The following UVSSA variants were observed in gnomAD, a reference collection of about 807,000 sequenced individuals.
UVSSA encodes the protein UV-stimulated scaffold protein A.
Under a neutral mutation model 73.9 loss-of-function variants are expected in UVSSA, and 72 were observed. The observed-to-expected ratio is 0.97, with a 90% confidence interval of 0.81 to 1.19. UVSSA has a LOEUF of 1.19. UVSSA is among the 50% of genes most tolerant of loss of function. The pLI is 0.00. For missense variants in UVSSA, 1,150 were observed against 965.0 expected (o/e 1.19, Z -2.54); for synonymous variants, 454 against 391.3 (o/e 1.16, Z -1.89).
At chr4:1,365,743 G>A (rs1361968706) in intron 7 of UVSSA, among the ~76,000 whole-genome samples, 1 of 152,238 alleles carries the variant, frequency 6.6e-6, no homozygotes, top group East Asian at 1.9e-4. Flanking sequence ...TGGGGAGCTA[G>A]CCCTGGCCCG....
At position 1,372,843 on chromosome 4, in the gene UVSSA, A is replaced by C. The variant is rs1475235724; in HGVS notation, c.1289-2521A>C. Among the ~76,000 whole-genome samples the C allele has an allele frequency of 2.4e-4, 14 of 58,892 alleles. 1 individual carries two copies. The highest frequency in any genetic ancestry group is 4.3e-4 in the African/African-American group (7 of 16,162). 38.6% of individuals were successfully genotyped at this position (58,892 alleles called of 152,430 possible). Reference sequence around the variant, plus strand: ...GCACTCACCTCCCGCGTCTCAGGGCACTCACCTCCCGCGTCCCTGCACTCA... The same window carrying C: ...GCACTCACCTCCCGCGTCTCAGGGCCCTCACCTCCCGCGTCCCTGCACTCA... On this transcript the variant is annotated intron_variant, in intron 8 of 13. Transcript: ENST00000389851.
At chr4:1,382,790 G>A (rs942222386) in intron 12 of UVSSA, among the ~76,000 whole-genome samples, 1 of 152,232 alleles carries the variant, frequency 6.6e-6, no homozygotes, top group Non-Finnish European at 1.5e-5. Flanking sequence ...CATTCCTCCG[G>A]GGATGTGCCC....
Position 1,368,852 on chromosome 4 carries a change from G to A in UVSSA, c.1288+2421G>A, listed in dbSNP as rs564786067. Among the ~76,000 whole-genome samples the A allele has an allele frequency of 2.6e-5, 4 of 152,368 alleles. No individual in the cohort carries two copies. The East Asian group carries it at 7.7e-4, about 29-fold the overall frequency. ...GGAAGTGTGCACAGCTGGTGCACTG[G>A]CGGCTGGTTCTTTCGCTGCAGCCGC... On this transcript the variant is annotated intron_variant, in intron 8 of 13. Coordinates refer to ENST00000389851, the MANE Select transcript of UVSSA (RefSeq NM_020894.4).
intron 7 of UVSSA, 93 bp from the exon 8 acceptor site, chr4:1,366,227 C>G (rs1717304554): frequency 2.0e-6 from 2 of 1,019,474 alleles, no homozygotes; most frequent in Non-Finnish European, 2.9e-6. Flanking sequence ...AAAAGCTCCA[C>G]AAGAAATAGG....
At chr4:1,391,484 C>T (rs1447618990), downstream of UVSSA, 1 of 152,132 alleles carries the variant, frequency 6.6e-6, no homozygotes, top group Non-Finnish European at 1.5e-5. Flanking sequence ...CTGTTAAGTG[C>T]ATCTGTATTT....
At chr4:1,371,789 CT>C (rs1200490184) in intron 8 of UVSSA, among the ~76,000 whole-genome samples, 2 of 152,156 alleles carry the variant, frequency 1.3e-5, no homozygotes, top group Non-Finnish European at 2.9e-5. Context: ...ATTATGGGAA[CT>C]ATAAGATGAG....
At chr4:1,388,487 C>G (rs1720312378), downstream of UVSSA, 1 of 152,212 alleles carries the variant, frequency 6.6e-6, no homozygotes, top group South Asian at 2.1e-4. Flanking sequence ...GCTAGTACCT[C>G]CAGGACAATG....
intron 12 of UVSSA, 27 bp from the exon 13 acceptor site, chr4:1,383,739 C>A: frequency 6.2e-7 from 1 of 1,612,112 alleles, no homozygotes; most frequent in South Asian, 1.1e-5. Flanking sequence ...CCAGACGTCT[C>A]CTGAAGTGCT....
intron 4 of UVSSA, 116 bp downstream of exon 4, chr4:1,351,951 C>G: frequency 6.7e-7 from 1 of 1,486,184 alleles, no homozygotes; most frequent in African/African-American, 1.4e-5. Flanking sequence ...TTGAGACAGG[C>G]TAGGTGGAGA....
Position 1,376,234 on chromosome 4 carries a change from T to A in UVSSA, c.1568+66T>A. ...CAGGGTCCCAGCCTGAGGAGGGGGC[T>A]GCCGGCTCACCAGGCCTCCCTGGGT... On this transcript the variant is annotated intron_variant, in intron 10 of 13. Coordinates refer to ENST00000389851, the MANE Select transcript of UVSSA (RefSeq NM_020894.4). 2.6e-6 allele frequency: 4 copies of A among 1,513,484 alleles called. No individual in the cohort carries two copies. In the South Asian group the frequency reaches 5.1e-5, roughly 19 times the overall value. 93.8% of individuals were successfully genotyped at this position (1,513,484 alleles called of 1,614,324 possible). A position where few individuals can be genotyped will look rare whatever the true frequency, so the allele number is the denominator to read the frequency against.
upstream of UVSSA, among the ~76,000 whole-genome samples, chr4:1,344,282 G>A (rs1713532564): frequency 6.6e-6 from 1 of 152,136 alleles, no homozygotes; most frequent in African/African-American, 2.4e-5. Context: ...TTGGTGCAGT[G>A]GCTCATGCCT....
upstream of UVSSA, among the ~76,000 whole-genome samples, chr4:1,342,120 T>C (rs1713454168): frequency 6.6e-6 from 1 of 152,258 alleles, no homozygotes; most frequent in South Asian, 2.1e-4. Context: ...GAAGTAATTC[T>C]CTGGAAGTAG....
intron 8 of UVSSA, among the ~76,000 whole-genome samples, chr4:1,367,204 C>A (rs1717447944): frequency 1.3e-5 from 2 of 152,156 alleles, no homozygotes; most frequent in Non-Finnish European, 2.9e-5. Flanking sequence ...TTAGGTTTTT[C>A]AAAAATACCT....
chr4:1,343,768 C>A (rs138225804), upstream of UVSSA, among the ~76,000 whole-genome samples: 1 of 151,954 alleles, frequency 6.6e-6, no homozygotes, highest in African/African-American at 2.4e-5. Flanking sequence ...GCCTGGGTGA[C>A]AAGAGTGAAA....
At chr4:1,385,548 G>GC (rs1720018099) in intron 13 of UVSSA, 1 of 377,272 alleles carries the variant, frequency 2.7e-6, no homozygotes, top group Admixed American at 3.9e-5. Flanking sequence ...CAAGGGGGAG[G>GC]CTGCCCTCAT....
At chr4:1,394,324 C>T in exon 14 of UVSSA, 1 of 1,052,730 alleles carries the variant, frequency 9.5e-7, no homozygotes. Flanking sequence ...GTTTTGTGTT[C>T]TACTTAGAAT....
chr4:1,358,921 G>A (rs969510397), intron 7 of UVSSA, among the ~76,000 whole-genome samples: 14 of 152,304 alleles, frequency 9.2e-5, no homozygotes, highest in Admixed American at 2.0e-4. Context: ...AACATGGAAC[G>A]CTGCTAGCTG....
chr4:1,376,761 A>G (rs1008264980), intron 10 of UVSSA, among the ~76,000 whole-genome samples: 2 of 152,192 alleles, frequency 1.3e-5, no homozygotes, highest in South Asian at 2.1e-4. Flanking sequence ...AGCGCCTGCC[A>G]CAGCTCGCTG....
At chr4:1,353,496 G>A in intron 5 of UVSSA, 83 bp downstream of exon 5, 2 of 1,427,474 alleles carry the variant, frequency 1.4e-6, no homozygotes, top group Non-Finnish European at 1.8e-6. Context: ...CCCGGCCCAG[G>A]AGCCTGGGGA....
Sources: allele counts gnomAD v4.1 joint callset (sites outside exome capture counted in the v4.1 genomes callset), GRCh38; gene constraint gnomAD v4.1.1; transcripts MANE v1.5; gene names NCBI Gene and HGNC (gene_info 2026-07-23, HGNC 2026-07-21).